The following FMC1 variants were observed in gnomAD, a reference collection of about 807,000 sequenced individuals.
FMC1 encodes formation of mitochondrial complex V assembly factor 1, also known as protein FMC1 homolog.
FMC1 carries 6 observed loss-of-function variants against 10.5 expected under a neutral mutation model. The ratio of observed to expected loss-of-function variants is 0.57; its 90% confidence interval spans 0.31 to 1.12. The LOEUF is 1.12. Ranked by LOEUF, FMC1 falls within the 50% of genes most tolerant of loss-of-function variation. The probability of loss-of-function intolerance (pLI) is 0.05; values close to 1 mark genes in which losing one functional copy is unlikely to be tolerated. For missense variants in FMC1, 146 were observed against 151.7 expected, an observed-to-expected ratio of 0.96 and a Z score of 0.20; for synonymous variants, 59 against 62.1, an observed-to-expected ratio of 0.95 and a Z score of 0.24.
At chr7:139,340,677 G>T (rs761566902), upstream of FMC1, 2 of 394,670 alleles carry the variant, frequency 5.1e-6, no homozygotes, top group Non-Finnish European at 8.9e-6. Flanking sequence ...TGAATATGTT[G>T]TGTGAGCGCG....
intron 1 of FMC1, among the ~76,000 whole-genome samples, chr7:139,342,727 G>A (rs1342800347): frequency 2.0e-5 from 3 of 152,130 alleles, no homozygotes; most frequent in Admixed American, 2.0e-4. Flanking sequence ...CTCCCAAAGT[G>A]TTGTAATTAC....
intron 1 of FMC1, 59 bp downstream of exon 1, chr7:139,341,581 G>C (rs1243490221): frequency 6.3e-7 from 1 of 1,581,842 alleles, no homozygotes; most frequent in East Asian, 2.3e-5. Context: ...AGCCGGGTCT[G>C]GGCTAGGGTG....
chr7:139,340,831 CT>C (rs112287672), upstream of FMC1, among the ~76,000 whole-genome samples: 2,246 of 144,998 alleles, frequency 0.015, 53 homozygotes, highest in African/African-American at 0.049. Context: ...GCCAACTTTA[CT>C]TTTTTTTTTT....
chr7:139,345,403 A>G (rs1045894552), intron 1 of FMC1, 98 bp from the exon 2 acceptor site: 4 of 1,517,230 alleles, frequency 2.6e-6, no homozygotes, highest in African/African-American at 2.8e-5. Context: ...CCTCTGTGCA[A>G]TTTACTTTCA....
At position 139,341,520 on chromosome 7, in the gene FMC1, C is replaced by G. The variant is rs746984637; in HGVS notation, c.136C>G (p.Arg46Gly). 15 of 1,611,624 alleles carry G rather than the reference C, an allele frequency of 9.3e-6. No individual in the cohort carries two copies. The South Asian group carries it at 1.1e-4, about 12-fold the overall frequency. Residue 46 changes from arginine (R) to glycine (G), a missense_variant and splice_region_variant, in exon 1 of 2, where the codon CGG becomes GGG. Transcript: ENST00000297534. ...RYLVKAFRAH[R>G]VTSEKLCRAQ... is the part of the protein sequence containing the mutation. ...CCTTGTGAAGGCTTTCCGTGCACAT[C>G]GGGTACGGGAGCCATGTCCCGGGTG... is the stretch of plus-strand genomic sequence containing the variant.
chr7:139,343,538 C>T (rs1161047673), intron 1 of FMC1, among the ~76,000 whole-genome samples: 1 of 152,094 alleles, frequency 6.6e-6, no homozygotes, highest in African/African-American at 2.4e-5. Context: ...CATGTTCATA[C>T]CACTGCTCTC....
At chr7:139,341,132 C>T (rs980919842), upstream of FMC1, 2 of 445,854 alleles carry the variant, frequency 4.5e-6, no homozygotes, top group African/African-American at 4.1e-5. Context: ...CCTGTTTCCC[C>T]AAACCCTTGT....
rs957441876 is a variant in FMC1, at chr7:139,346,325, C to T, written c.*621C>T. On this transcript the variant is annotated 3_prime_UTR_variant, in exon 2 of 2. Transcript: ENST00000297534. ...ATAAAATAAAAGAAACCCTCTTTTC[C>T]TTTGTCCTTTTCCCTTGTCCCCATT... is the stretch of plus-strand genomic sequence containing the variant. 6 of 151,952 alleles carry T rather than the reference C, an allele frequency of 3.9e-5. No homozygotes were observed. The highest frequency in any genetic ancestry group is 7.4e-5 in the Non-Finnish European group (5 of 68,008). 9.4% of individuals were successfully genotyped at this position (151,952 alleles called of 1,614,324 possible).
In FMC1 at chr7:139,341,447, G is replaced by C. The variant is rs1400188296; in HGVS notation, c.63G>C (p.Leu21=). The C allele has an allele frequency of 6.2e-7, 1 of 1,613,450 alleles. No homozygotes were observed. The highest frequency in any genetic ancestry group is 8.5e-7 in the Non-Finnish European group (1 of 1,180,030). Residue 21 remains leucine, a synonymous_variant, in exon 1 of 2, where the codon CTG becomes CTC. Coordinates refer to ENST00000297534, the MANE Select transcript of FMC1 (RefSeq NM_197964.5). ...GACTTCTGCGGGAGTTGCGCTACCT[G>C]AGCGCGGCCACCGGCCGACCCTATC... ...FRGLLRELRY[L]SAATGRPYRD...
Position 139,345,729 on chromosome 7 carries a change from G to C in FMC1, c.*25G>C. ...AACATGGAGAATATCCTTGGATGCT[G>C]CATTCATAGGAGAATTGAATAATTT... On this transcript the variant is annotated 3_prime_UTR_variant, in exon 2 of 2. Coordinates refer to ENST00000297534, the MANE Select transcript of FMC1 (RefSeq NM_197964.5). 6.3e-7 allele frequency: 1 copy of C among 1,597,804 alleles called. No individual in the cohort carries two copies.
At chr7:139,342,713 C>T (rs904011626) in intron 1 of FMC1, among the ~76,000 whole-genome samples, 3 of 152,166 alleles carry the variant, frequency 2.0e-5, no homozygotes, top group Admixed American at 6.5e-5. Flanking sequence ...CCGCCTGCCT[C>T]GGCCTCCCAA....
rs1585052581 is a variant in FMC1 at position 139,341,433 on chromosome 7, G to C, written c.49G>C (p.Glu17Gln). 6.2e-7 allele frequency: 1 copy of C among 1,613,554 alleles called. No individual in the cohort carries two copies. Among genetic ancestry groups the C allele is most frequent in the African/African-American group, 1.3e-5 (1 of 75,066 alleles). The change falls in exon 1 of 2, where the codon GAG becomes CAG. Residue 17 changes from glutamate (E) to glutamine (Q), a missense_variant. Physicochemically the swap from Glu to Gln is conservative, Grantham distance 29. Transcript: ENST00000297534. ...PSHTFRGLLR[E>Q]LRYLSAATGR... is the part of the protein sequence containing the mutation. ...GCACACTTTTCGAGGACTTCTGCGG[G>C]AGTTGCGCTACCTGAGCGCGGCCAC...
At chr7:139,340,705 A>C (rs1585051359), upstream of FMC1, 1 of 391,080 alleles carries the variant, frequency 2.6e-6, no homozygotes, top group Non-Finnish European at 4.5e-6. Context: ...CAGAAGCCCC[A>C]GTGGCCTAAT....
At chr7:139,343,946 A>G (rs1321949719) in intron 1 of FMC1, among the ~76,000 whole-genome samples, 2 of 150,566 alleles carry the variant, frequency 1.3e-5, no homozygotes, top group Non-Finnish European at 3.0e-5. Context: ...AAAAAAAAAA[A>G]GAGTTGGTGG....
chr7:139,344,729 G>T (rs1799185939), intron 1 of FMC1, among the ~76,000 whole-genome samples: 1 of 124,706 alleles, frequency 8.0e-6, no homozygotes, highest in African/African-American at 3.1e-5. Context: ...TTGAGATGGA[G>T]TCTCCTTCTG....
At position 139,341,551 on chromosome 7, in the gene FMC1, C is replaced by G. The variant is rs1206456601; in HGVS notation, c.138+29C>G. ...CGGGAGCCATGTCCCGGGTGCTCTA[C>G]GTGCTGGGGAGGGAGGAAGAGCCGG... On this transcript the variant is annotated intron_variant, in intron 1 of 1. Coordinates refer to ENST00000297534, the MANE Select transcript of FMC1 (RefSeq NM_197964.5). 5 of 1,601,640 alleles carry G rather than the reference C, an allele frequency of 3.1e-6. No homozygotes were observed. In the Admixed American group the frequency reaches 5.0e-5, roughly 16 times the overall value.
chr7:139,342,650 C>CG (rs1297359325), intron 1 of FMC1, among the ~76,000 whole-genome samples: 1 of 152,080 alleles, frequency 6.6e-6, no homozygotes, highest in Admixed American at 6.6e-5. Flanking sequence ...TTAGTGGAGA[C>CG]GGGGTTTCTC....
chr7:139,345,763 A>G lies in FMC1; in HGVS notation c.*59A>G. The G allele has an allele frequency of 6.6e-7, 1 of 1,505,554 alleles. No individual in the cohort carries two copies. The highest frequency in any genetic ancestry group is 2.5e-5 in the East Asian group (1 of 40,762). 93.3% of individuals were successfully genotyped at this position (1,505,554 alleles called of 1,614,324 possible). A position where few individuals can be genotyped will look rare whatever the true frequency, so the allele number is the denominator to read the frequency against. On this transcript the variant is annotated 3_prime_UTR_variant, in exon 2 of 2. Transcript: ENST00000297534. ...GGAGAATTGAATAATTTCTATCAAT[A>G]TGTATTTATCATTAAATTTTTTTTA...
upstream of FMC1, chr7:139,341,312 C>T: frequency 6.5e-7 from 1 of 1,540,632 alleles, no homozygotes; most frequent in Non-Finnish European, 8.8e-7. Flanking sequence ...TACCATTAGG[C>T]GCCTGGGCCG....
Sources: allele counts gnomAD v4.1 joint callset (sites outside exome capture counted in the v4.1 genomes callset), GRCh38; gene constraint gnomAD v4.1.1; transcripts MANE v1.5; gene names NCBI Gene and HGNC (gene_info 2026-07-23, HGNC 2026-07-21).